SHOC1: variants seen among roughly 807,000 people sequenced by gnomAD.
The protein encoded by SHOC1 is protein shortage in chiasmata 1 ortholog.
SHOC1 carries 136 observed loss-of-function variants against 179.2 expected under a neutral mutation model. The ratio of observed to expected loss-of-function variants is 0.76; its 90% confidence interval spans 0.66 to 0.87. The LOEUF is 0.87. Among genes scored for constraint, SHOC1 ranks in the 40% least tolerant of loss-of-function variants. SHOC1 has a pLI of 0.00. For synonymous variants in SHOC1, 489 were observed against 586.6 expected (o/e 0.83, Z 2.41); for missense variants, 1,538 against 1,700.8 (o/e 0.90, Z 1.68).
At chr9:111,699,886 C>T in intron 24 of SHOC1, 68 bp downstream of exon 24, 2 of 867,784 alleles carry the variant, frequency 2.3e-6, no homozygotes, top group South Asian at 3.5e-5. Context: ...TCTCATTGGG[C>T]ACTTAAGTTT....
chr9:111,732,166 G>T (rs1223010759), intron 12 of SHOC1, among the ~76,000 whole-genome samples: 1 of 152,086 alleles, frequency 6.6e-6, no homozygotes, highest in African/African-American at 2.4e-5. Flanking sequence ...AAGGATATGG[G>T]GTAACTGGAT....
At chr9:111,787,297 T>G (rs931688024) in intron 2 of SHOC1, among the ~76,000 whole-genome samples, 1 of 152,338 alleles carries the variant, frequency 6.6e-6, no homozygotes, top group Middle Eastern at 3.4e-3. Context: ...ATTCCTCTGA[T>G]AGATCTAGGC....
rs769266659 is a variant in SHOC1, at chr9:111,769,986, GTTTTT to G, written c.442+5800_442+5804del. The stretch of plus-strand genomic sequence containing the variant: ...AGGTTTTATCTTCTGTTTTTTTTTT[GTTTTT>G]TTTTTTTTTTTTTTTTTAGTCTTAG... On this transcript the variant is annotated intron_variant, in intron 5 of 27. Coordinates refer to ENST00000682961, the MANE Select transcript of SHOC1 (RefSeq NM_001378211.1). Among the ~76,000 whole-genome samples, 25 of 77,632 alleles carry G rather than the reference GTTTTT, an allele frequency of 3.2e-4. 1 individual carries two copies. Among genetic ancestry groups the G allele is most frequent in the African/African-American group, 9.9e-4 (15 of 15,212 alleles). 50.9% of individuals were successfully genotyped at this position (77,632 alleles called of 152,430 possible).
chr9:111,706,244 A>G (rs1032492305), intron 20 of SHOC1, among the ~76,000 whole-genome samples: 5 of 152,148 alleles, frequency 3.3e-5, no homozygotes, highest in African/African-American at 1.2e-4. Flanking sequence ...ACTGTCCCCT[A>G]AAAATCAATA....
At chr9:111,731,818 G>GT in intron 12 of SHOC1, among the ~76,000 whole-genome samples, 1 of 151,984 alleles carries the variant, frequency 6.6e-6, no homozygotes, top group East Asian at 1.9e-4. Context: ...TATCATTCAT[G>GT]TTTTATATTT....
Position 111,694,394 on chromosome 9 carries a change from A to G in SHOC1, c.3184-32T>C, listed in dbSNP as rs765139105. The stretch of plus-strand genomic sequence containing the variant: ...AATATTTTTTATGTTAGATTATAGG[A>G]AATACTAGGAAGCAAAATATAATAT... On this transcript the variant is annotated intron_variant, in intron 24 of 27. Transcript: ENST00000682961. 15 of 1,487,512 alleles carry G rather than the reference A, an allele frequency of 1.0e-5. No individual in the cohort carries two copies. In the South Asian group the frequency reaches 1.8e-4, roughly 18 times the overall value. The allele number at this position is 1,487,512 out of a possible 1,614,324, so 92.1% of individuals were successfully genotyped here.
chr9:111,728,133 G>A, intron 12 of SHOC1, 84 bp from the exon 13 acceptor site: 1 of 965,540 alleles, frequency 1.0e-6, no homozygotes, highest in Admixed American at 3.4e-5. Context: ...TTTTAGTTGT[G>A]GTTTCTTATT....
chr9:111,720,698 TTCAAG>T (rs1286067397), intron 15 of SHOC1, among the ~76,000 whole-genome samples: 5 of 152,206 alleles, frequency 3.3e-5, no homozygotes, highest in East Asian at 1.9e-4. Flanking sequence ...TTACTGTGCT[TTCAAG>T]TTAACTTTTT....
intron 4 of SHOC1, among the ~76,000 whole-genome samples, chr9:111,776,688 C>G (rs1251935439): frequency 1.3e-5 from 2 of 152,200 alleles, no homozygotes; most frequent in African/African-American, 4.8e-5. Context: ...AAATACTTCT[C>G]TGTTAGGCCA....
intron 1 of SHOC1, among the ~76,000 whole-genome samples, chr9:111,794,082 G>A (rs1836540863): frequency 1.3e-5 from 2 of 151,378 alleles, no homozygotes; most frequent in Admixed American, 1.3e-4. Flanking sequence ...GAACTCCTGA[G>A]CTCAGGCAAT....
intron 24 of SHOC1, 83 bp from the exon 25 acceptor site, chr9:111,694,445 ATAAAAT>A (rs1207406015): frequency 2.0e-6 from 2 of 1,005,932 alleles, no homozygotes; most frequent in Non-Finnish European, 2.9e-6. Flanking sequence ...TAATTAGAAG[ATAAAAT>A]TAAACAACAG....
Position 111,728,048 on chromosome 9 carries a change from T to C in SHOC1, c.1419A>G (p.Ser473=). ...FLPTKVLQLE[S]CLEHKSHSSP... ...AAGAATGACTTTTATGTTCTAGACA[T>C]GCTGAAAACAGAAAATAACAACACA... The change falls in exon 13 of 28, where the codon TCA becomes TCG. Residue 473 remains serine (S), a splice_region_variant and synonymous_variant. Coordinates refer to ENST00000682961, the MANE Select transcript of SHOC1 (RefSeq NM_001378211.1). 1.3e-6 allele frequency: 2 copies of C among 1,559,574 alleles called. No homozygotes were observed. Among genetic ancestry groups the C allele is most frequent in the Non-Finnish European group, 1.7e-6 (2 of 1,155,302 alleles).
At chr9:111,747,679 C>T (rs1564144550) in intron 9 of SHOC1, among the ~76,000 whole-genome samples, 1 of 152,136 alleles carries the variant, frequency 6.6e-6, no homozygotes, top group Non-Finnish European at 1.5e-5. Flanking sequence ...CTCGCCAGTT[C>T]AAGCCATTCT....
At chr9:111,710,353 C>T (rs947646813) in intron 18 of SHOC1, among the ~76,000 whole-genome samples, 1 of 152,126 alleles carries the variant, frequency 6.6e-6, no homozygotes, top group Non-Finnish European at 1.5e-5. Flanking sequence ...CCTTTCCATT[C>T]TCACATTACC....
chr9:111,704,166 T>A (rs757690563), intron 21 of SHOC1, among the ~76,000 whole-genome samples, 174 bp from the exon 22 acceptor site: 1 of 152,242 alleles, frequency 6.6e-6, no homozygotes, highest in Non-Finnish European at 1.5e-5. Flanking sequence ...TTTTTCAGTA[T>A]ATAAAACAAA....
chr9:111,719,498 A>G (rs1832940666), intron 15 of SHOC1, among the ~76,000 whole-genome samples: 1 of 152,212 alleles, frequency 6.6e-6, no homozygotes, highest in African/African-American at 2.4e-5. Context: ...AGCTCAACCC[A>G]TATTCAGCTA....
At chr9:111,767,912 G>C (rs918706081) in intron 5 of SHOC1, among the ~76,000 whole-genome samples, 1 of 151,732 alleles carries the variant, frequency 6.6e-6, no homozygotes, top group South Asian at 2.1e-4. Flanking sequence ...TCACTTCTTT[G>C]GTATTTTGAT....
At chr9:111,691,482 A>G (rs1831418560) in intron 27 of SHOC1, 69 bp downstream of exon 27, 6 of 1,438,448 alleles carry the variant, frequency 4.2e-6, no homozygotes, top group East Asian at 2.3e-5. Flanking sequence ...AAAATGTTAA[A>G]TTTGGAGATG....
intron 27 of SHOC1, among the ~76,000 whole-genome samples, chr9:111,691,206 T>C (rs895761402): frequency 7.9e-5 from 12 of 152,200 alleles, no homozygotes; most frequent in Non-Finnish European, 1.6e-4. Context: ...TAATAAACGT[T>C]AGTCAGTTAA....
Sources: allele counts gnomAD v4.1 joint callset (sites outside exome capture counted in the v4.1 genomes callset), GRCh38; gene constraint gnomAD v4.1.1; transcripts MANE v1.5; gene names NCBI Gene and HGNC (gene_info 2026-07-23, HGNC 2026-07-21).